UHRF2: variants seen among roughly 807,000 people sequenced by gnomAD.
UHRF2 encodes E3 ubiquitin-protein ligase UHRF2.
UHRF2 carries 23 observed loss-of-function variants against 96.8 expected under a neutral mutation model. The ratio of observed to expected loss-of-function variants is 0.24; its 90% CI spans 0.17 to 0.34. UHRF2 has a LOEUF of 0.34. Among genes scored for constraint, UHRF2 ranks in the 10% least tolerant of loss-of-function variants. The probability of loss-of-function intolerance (pLI) is 1.00; values close to 1 mark genes in which losing one functional copy is unlikely to be tolerated. For missense variants in UHRF2, 685 were observed against 981.5 expected (o/e 0.70, Z 4.04); for synonymous variants, 385 against 332.6 (o/e 1.16, Z -1.72).
At chr9:6,453,550 T>G (rs1261469723) in intron 3 of UHRF2, among the ~76,000 whole-genome samples, 1 of 152,196 alleles carries the variant, frequency 6.6e-6, no homozygotes, top group Non-Finnish European at 1.5e-5. Flanking sequence ...TTTTATAGAT[T>G]GAGAAAAATG....
intron 8 of UHRF2, 92 bp downstream of exon 8, chr9:6,482,191 C>A: frequency 1.0e-6 from 1 of 994,880 alleles, no homozygotes; most frequent in Non-Finnish European, 1.6e-6. Flanking sequence ...GAACCTAACA[C>A]ATGACATTCA....
rs750475658 is a variant in UHRF2, at chr9:6,500,743, G to A, written c.2163+34G>A. On this transcript the variant is annotated intron_variant, in intron 14 of 15. Transcript: ENST00000276893. ...AGATTTTTTTAAATAATAACATTCT[G>A]ATATTAACAAATGATAAATAATTGT... 13 of 1,558,826 alleles carry A rather than the reference G, an allele frequency of 8.3e-6. No individual in the cohort carries two copies. The East Asian group carries it at 3.0e-4, about 35-fold the overall frequency.
intron 2 of UHRF2, among the ~76,000 whole-genome samples, chr9:6,423,831 G>C (rs530319787): frequency 7.2e-5 from 11 of 152,116 alleles, no homozygotes; most frequent in African/African-American, 2.7e-4. Context: ...TGTAATCCCA[G>C]CTACTCCGGA....
intron 14 of UHRF2, among the ~76,000 whole-genome samples, chr9:6,502,881 CTT>C (rs1816377085): frequency 6.6e-6 from 1 of 152,178 alleles, no homozygotes; most frequent in African/African-American, 2.4e-5. Context: ...GTTTATAATA[CTT>C]TGTCTGTAAT....
intron 8 of UHRF2, among the ~76,000 whole-genome samples, chr9:6,482,597 C>A (rs980655982): frequency 7.5e-5 from 11 of 147,500 alleles, no homozygotes; most frequent in African/African-American, 2.7e-4. Flanking sequence ...ATAAGAGGGG[C>A]CTTTTTTTTT....
At chr9:6,491,875 T>A (rs1259496626) in intron 9 of UHRF2, among the ~76,000 whole-genome samples, 1 of 152,208 alleles carries the variant, frequency 6.6e-6, no homozygotes, top group African/African-American at 2.4e-5. Flanking sequence ...TTAGGCTGAT[T>A]ATTTTTCCAT....
intron 4 of UHRF2, among the ~76,000 whole-genome samples, chr9:6,474,635 G>T (rs1219257453): frequency 6.6e-6 from 1 of 152,220 alleles, no homozygotes; most frequent in Admixed American, 6.5e-5. Flanking sequence ...GAATACAGGA[G>T]GTGGAGACTA....
intron 3 of UHRF2, among the ~76,000 whole-genome samples, chr9:6,442,111 C>T (rs980796054): frequency 3.9e-5 from 6 of 152,088 alleles, no homozygotes; most frequent in African/African-American, 1.4e-4. Context: ...ATTACAGGTG[C>T]CTGGCACCAC....
At chr9:6,428,267 C>G (rs1280308373) in intron 2 of UHRF2, among the ~76,000 whole-genome samples, 1 of 152,128 alleles carries the variant, frequency 6.6e-6, no homozygotes. Flanking sequence ...AGCACGATCA[C>G]TGTCTATAAA....
intron 4 of UHRF2, among the ~76,000 whole-genome samples, chr9:6,471,603 C>T (rs1389667010): frequency 6.6e-6 from 1 of 152,152 alleles, no homozygotes; most frequent in East Asian, 1.9e-4. Context: ...TTTTTATTTT[C>T]CCTGAGTAGA....
At chr9:6,472,000 T>C (rs929120793) in intron 4 of UHRF2, among the ~76,000 whole-genome samples, 2 of 152,228 alleles carry the variant, frequency 1.3e-5, no homozygotes, top group Admixed American at 6.5e-5. Flanking sequence ...ATAACTTACA[T>C]ACAGTAATAT....
chr9:6,441,289 G>T (rs1474976445), intron 3 of UHRF2, among the ~76,000 whole-genome samples: 1 of 152,078 alleles, frequency 6.6e-6, no homozygotes. Context: ...TGGGAGGATG[G>T]CTTGAGCCCA....
rs556072232 is a variant in UHRF2, at chr9:6,435,853, C to T, written c.644+1680C>T. ...CGAACTCCTGACCTCAAGTGATCCACCCACCTTGGCCTCCCAAAATGCTGG... is the reference window on the plus strand; with the variant it reads ...CGAACTCCTGACCTCAAGTGATCCATCCACCTTGGCCTCCCAAAATGCTGG... On this transcript the variant is annotated intron_variant, in intron 3 of 15. Transcript: ENST00000276893. Among the ~76,000 whole-genome samples, 4 of 152,274 alleles carry T rather than the reference C, an allele frequency of 2.6e-5. No individual in the cohort carries two copies. The South Asian group carries it at 8.3e-4, about 32-fold the overall frequency.
At chr9:6,460,884 A>G (rs748560776) in intron 4 of UHRF2, 93 bp downstream of exon 4, 21 of 999,422 alleles carry the variant, frequency 2.1e-5, no homozygotes, top group Non-Finnish European at 2.8e-5. Flanking sequence ...GTAAAAAAAG[A>G]TGGAGTCTAT....
At chr9:6,446,517 G>C (rs886396756) in intron 3 of UHRF2, among the ~76,000 whole-genome samples, 1 of 151,968 alleles carries the variant, frequency 6.6e-6, no homozygotes, top group Non-Finnish European at 1.5e-5. Context: ...CTGGGCTGAA[G>C]TGATTCGTCT....
intron 6 of UHRF2, 65 bp downstream of exon 6, chr9:6,477,873 C>G: frequency 7.3e-7 from 1 of 1,375,718 alleles, no homozygotes; most frequent in Non-Finnish European, 9.9e-7. Context: ...GTATTTGAAC[C>G]ACCAAAAGTA....
intron 9 of UHRF2, among the ~76,000 whole-genome samples, chr9:6,491,500 A>G (rs1226642898): frequency 6.6e-6 from 1 of 152,222 alleles, no homozygotes; most frequent in Admixed American, 6.5e-5. Context: ...GCTATGGTCT[A>G]GACAACCTTG....
intron 3 of UHRF2, among the ~76,000 whole-genome samples, chr9:6,447,473 G>A (rs1821586565): frequency 6.6e-6 from 1 of 152,150 alleles, no homozygotes; most frequent in Non-Finnish European, 1.5e-5. Flanking sequence ...AGATATTTTA[G>A]TTCCTGAAGG....
Position 6,456,522 on chromosome 9 carries a change from A to G in UHRF2, c.645-4051A>G, listed in dbSNP as rs1822186990. ...ATGATAGTTTCTTTTGCTGTGCAGCAGCTCTTTAGTTTAATGAGATCCCAT... is the reference window on the plus strand; with the variant it reads ...ATGATAGTTTCTTTTGCTGTGCAGCGGCTCTTTAGTTTAATGAGATCCCAT... On this transcript the variant is annotated intron_variant, in intron 3 of 15. Coordinates refer to ENST00000276893, the MANE Select transcript of UHRF2 (RefSeq NM_152896.3). 2.0e-5 allele frequency among the ~76,000 whole-genome samples: 3 copies of G among 152,202 alleles called. No homozygotes were observed. In the South Asian group the frequency reaches 6.2e-4, roughly 32 times the overall value.
Sources: gnomAD v4.1 joint callset for allele counts (sites outside exome capture counted in the v4.1 genomes callset) on GRCh38, gnomAD v4.1.1 for gene constraint, MANE v1.5 for transcripts, NCBI Gene and HGNC (gene_info 2026-07-23, HGNC 2026-07-21) for gene names.